PTPRD: variants seen among roughly 807,000 people sequenced by gnomAD.
The protein encoded by PTPRD is protein tyrosine phosphatase receptor type D, also known as receptor-type tyrosine-protein phosphatase delta.
PTPRD carries 34 observed loss-of-function variants against 214.5 expected under a neutral mutation model. That is an observed-to-expected ratio of 0.16 (90% CI 0.12 to 0.21). PTPRD has a LOEUF of 0.21. Ranked by LOEUF, PTPRD falls within the 10% of genes least tolerant of loss-of-function variation. PTPRD has a pLI of 1.00. For missense variants in PTPRD, 2,545 were observed against 2,398.7 expected (o/e 1.06, Z -1.27); for synonymous variants, 1,128 against 845.7 (o/e 1.33, Z -5.79).
In PTPRD at chr9:8,703,831, G is replaced by C. The variant is rs370019620; in HGVS notation, c.64+29949C>G. Among the ~76,000 whole-genome samples, 586 of 152,188 alleles carry C rather than the reference G, an allele frequency of 3.9e-3. 2 individuals are homozygous for C. The highest frequency in any genetic ancestry group is 6.8e-3 in the Middle Eastern group (2 of 294). On this transcript the variant is annotated intron_variant, in intron 12 of 45. Coordinates refer to ENST00000381196, the MANE Select transcript of PTPRD (RefSeq NM_002839.4). Reference sequence around the variant, plus strand: ...AATTGCTTATTTGGCATCTCCAGAAGGTTATTTAACAGACAGATAAAATTC... The same window carrying C: ...AATTGCTTATTTGGCATCTCCAGAACGTTATTTAACAGACAGATAAAATTC...
At chr9:10,538,046 CCT>C (rs2058246827) in intron 2 of PTPRD, among the ~76,000 whole-genome samples, 1 of 151,966 alleles carries the variant, frequency 6.6e-6, no homozygotes, top group African/African-American at 2.4e-5. Flanking sequence ...GTCAGACAGA[CCT>C]GAATCTGAGT....
intron 3 of PTPRD, among the ~76,000 whole-genome samples, chr9:10,198,686 G>C (rs975824954): frequency 6.6e-6 from 1 of 152,032 alleles, no homozygotes; most frequent in Non-Finnish European, 1.5e-5. Flanking sequence ...CAACTGAAAA[G>C]GTTTACTTAA....
At chr9:9,934,452 A>G (rs1440986321) in intron 5 of PTPRD, among the ~76,000 whole-genome samples, 2 of 138,368 alleles carry the variant, frequency 1.4e-5, no homozygotes, top group East Asian at 2.4e-4. Flanking sequence ...AAACGCCTCT[A>G]TGCAAATAAA....
chr9:9,137,087 T>C (rs929129528), intron 10 of PTPRD, among the ~76,000 whole-genome samples: 4 of 152,186 alleles, frequency 2.6e-5, no homozygotes, highest in Non-Finnish European at 4.4e-5. Flanking sequence ...GCTCAAGATG[T>C]AATTTATTGC....
In PTPRD at chr9:10,417,964, A is replaced by G. The variant is rs181980788; in HGVS notation, c.-599-76947T>C. Among the ~76,000 whole-genome samples, 795 of 151,790 alleles carry G rather than the reference A, an allele frequency of 5.2e-3. 10 individuals are homozygous for G. The highest frequency in any genetic ancestry group is 0.018 in the African/African-American group (735 of 41,476). ...ATTTACACTGTGAATATATCATTTT[A>G]CTTATTTATGGAGTTTAACAGATTA... On this transcript the variant is annotated intron_variant, in intron 2 of 45. Coordinates refer to ENST00000381196, the MANE Select transcript of PTPRD (RefSeq NM_002839.4).
At chr9:10,521,177 G>A (rs1024421754) in intron 2 of PTPRD, among the ~76,000 whole-genome samples, 2 of 152,022 alleles carry the variant, frequency 1.3e-5, no homozygotes, top group African/African-American at 4.8e-5. Flanking sequence ...GCAGATCACA[G>A]TATCAACATG....
intron 12 of PTPRD, among the ~76,000 whole-genome samples, chr9:8,652,634 A>G (rs1355403583): frequency 6.6e-6 from 1 of 152,236 alleles, no homozygotes; most frequent in African/African-American, 2.4e-5. Flanking sequence ...AAATACTGTT[A>G]TAAATACTAG....
intron 11 of PTPRD, among the ~76,000 whole-genome samples, chr9:8,975,450 A>G (rs2099263061): frequency 6.6e-6 from 1 of 152,086 alleles, no homozygotes; most frequent in Admixed American, 6.6e-5. Flanking sequence ...CTATGTACAT[A>G]TAATTACAAA....
intron 2 of PTPRD, among the ~76,000 whole-genome samples, chr9:10,449,604 C>G (rs2098824852): frequency 6.6e-6 from 1 of 151,224 alleles, no homozygotes; most frequent in South Asian, 2.1e-4. Context: ...GGTCTCTGCC[C>G]AGCCGCCCAT....
rs373900771 is a variant in PTPRD at position 9,857,975 on chromosome 9, A to G, written c.-368+80532T>C. Among the ~76,000 whole-genome samples the G allele has an allele frequency of 1.9e-4, 29 of 152,326 alleles. No homozygotes were observed. The East Asian group carries it at 3.7e-3, about 19-fold the overall frequency. ...ATAATTTTAAGTGAGTGAAAAGTGA[A>G]GATATGAAGAATGCATTATCATGCT... On this transcript the variant is annotated intron_variant, in intron 5 of 45. Transcript: ENST00000381196.
chr9:10,450,804 C>T (rs1379333857), intron 2 of PTPRD, among the ~76,000 whole-genome samples: 3 of 152,070 alleles, frequency 2.0e-5, no homozygotes, highest in South Asian at 2.1e-4. Context: ...TGCTGCTCTA[C>T]CATCACGTCT....
At chr9:9,938,372 A>G (rs1051030809) in intron 5 of PTPRD, 135 bp downstream of exon 5, 1 of 152,236 alleles carries the variant, frequency 6.6e-6, no homozygotes, top group African/African-American at 2.4e-5. Context: ...ACTATTTTAA[A>G]GAAATGCAGT....
chr9:8,850,391 T>C (rs1265472483), intron 11 of PTPRD, among the ~76,000 whole-genome samples: 1 of 152,090 alleles, frequency 6.6e-6, no homozygotes, highest in African/African-American at 2.4e-5. Context: ...GAGACATAGA[T>C]GCCAAACATC....
At position 9,270,908 on chromosome 9, in the gene PTPRD, G is replaced by T. The variant is rs577154621; in HGVS notation, c.-202-87545C>A. 1.1e-4 allele frequency among the ~76,000 whole-genome samples: 16 copies of T among 151,300 alleles called. No individual in the cohort carries two copies. In the South Asian group the frequency reaches 3.3e-3, roughly 31 times the overall value. ...GGGTGTAGGGATAGGAGGAATCAAA[G>T]AACACTCTTCGAATTATTGCCTGGA... On this transcript the variant is annotated intron_variant, in intron 9 of 45. Coordinates refer to ENST00000381196, the MANE Select transcript of PTPRD (RefSeq NM_002839.4).
chr9:9,041,789 A>G (rs571581581), intron 10 of PTPRD, among the ~76,000 whole-genome samples: 16 of 152,328 alleles, frequency 1.1e-4, no homozygotes, highest in South Asian at 4.1e-4. Flanking sequence ...GTCCAGTGAC[A>G]TGCTCGAGCT....
chr9:8,654,035 C>T (rs540942414), intron 12 of PTPRD, among the ~76,000 whole-genome samples: 8 of 152,266 alleles, frequency 5.3e-5, no homozygotes, highest in African/African-American at 1.9e-4. Flanking sequence ...TGTTGTAGAG[C>T]CTGTCCTGTG....
intron 2 of PTPRD, among the ~76,000 whole-genome samples, chr9:10,374,989 T>C (rs57819597): frequency 0.049 from 7,513 of 151,998 alleles, 611 homozygotes; most frequent in African/African-American, 0.17. Context: ...TATGGAAACA[T>C]AGAAAAACTA....
intron 10 of PTPRD, among the ~76,000 whole-genome samples, chr9:9,159,858 A>G (rs1208711123): frequency 6.6e-6 from 1 of 152,212 alleles, no homozygotes; most frequent in African/African-American, 2.4e-5. Context: ...AAACAGACAC[A>G]TCGACCAACA....
At chr9:10,466,968 A>C (rs779309930) in intron 2 of PTPRD, among the ~76,000 whole-genome samples, 16 of 152,174 alleles carry the variant, frequency 1.1e-4, no homozygotes, top group Non-Finnish European at 2.4e-4. Context: ...CTTTTCTAGG[A>C]AACTATGATA....
Sources: gnomAD v4.1 joint callset for allele counts (sites outside exome capture counted in the v4.1 genomes callset) on GRCh38, gnomAD v4.1.1 for gene constraint, MANE v1.5 for transcripts, NCBI Gene and HGNC (gene_info 2026-07-23, HGNC 2026-07-21) for gene names.